The following SUMF1 variants were observed in gnomAD, a reference collection of about 807,000 sequenced individuals.
SUMF1 encodes the protein sulfatase modifying factor 1.
SUMF1 carries 48 observed loss-of-function variants against 47.6 expected under a neutral mutation model. That is an observed-to-expected ratio of 1.01 (90% CI 0.80 to 1.28). SUMF1 has a LOEUF of 1.28. Among genes scored for constraint, SUMF1 ranks in the 50% most tolerant of loss-of-function variants. The probability of loss-of-function intolerance (pLI) is 0.00; values close to 1 mark genes in which losing one functional copy is unlikely to be tolerated. For missense variants in SUMF1, 571 were observed against 485.4 expected (o/e 1.18, Z -1.66); for synonymous variants, 230 against 192.1 (o/e 1.20, Z -1.63).
chr3:4,442,033 G>A lies in SUMF1; in HGVS notation c.519+7233C>T, dbSNP rs533193377. Among the ~76,000 whole-genome samples, 7 of 152,294 alleles carry A rather than the reference G, an allele frequency of 4.6e-5. No homozygotes were observed. The East Asian group carries it at 1.4e-3, about 29-fold the overall frequency. ...TACAACCTGCATGGTGTCTGTGGCT[G>A]GGCAGTGGTTGGGCAGGAGAAAGAA... On this transcript the variant is annotated intron_variant, in intron 3 of 8. Coordinates refer to ENST00000272902, the MANE Select transcript of SUMF1 (RefSeq NM_182760.4).
intron 8 of SUMF1, among the ~76,000 whole-genome samples, chr3:4,174,488 C>G (rs2256269): frequency 0.34 from 51,413 of 151,808 alleles, 8,857 homozygotes; most frequent in East Asian, 0.4. Flanking sequence ...CAAATCACTT[C>G]AGCTCAGGAG....
intron 3 of SUMF1, 146 bp downstream of exon 3, chr3:4,449,120 G>T: frequency 1.1e-6 from 1 of 875,318 alleles, no homozygotes; most frequent in Non-Finnish European, 1.9e-6. Flanking sequence ...CTGGTCCATG[G>T]GCCTATTATT....
chr3:4,175,971 G>A (rs1694951112), intron 8 of SUMF1, among the ~76,000 whole-genome samples: 2 of 152,080 alleles, frequency 1.3e-5, no homozygotes, highest in South Asian at 4.1e-4. Flanking sequence ...AAATAAGCAA[G>A]AAAACAAGGT....
chr3:4,424,844 T>C (rs771216713), intron 3 of SUMF1, among the ~76,000 whole-genome samples: 2 of 152,252 alleles, frequency 1.3e-5, no homozygotes, highest in South Asian at 2.1e-4. Context: ...AGGAGAGTAC[T>C]ATTAGACATT....
chr3:4,101,168 T>A (rs558941291), intron 8 of SUMF1, among the ~76,000 whole-genome samples: 2 of 150,692 alleles, frequency 1.3e-5, no homozygotes, highest in African/African-American at 4.9e-5. Flanking sequence ...TTGAAATCAG[T>A]ATGTTAAAAA....
chr3:4,445,712 T>C (rs1193620002), intron 3 of SUMF1, among the ~76,000 whole-genome samples: 1 of 152,172 alleles, frequency 6.6e-6, no homozygotes, highest in African/African-American at 2.4e-5. Context: ...CAAATCTACA[T>C]TTGTGGCAAA....
In SUMF1 at chr3:4,111,079, A is replaced by T. The variant is rs77092063; in HGVS notation, c.1015-42334T>A. ...GTTGATCAAAGTCAGCATTTTTTTTAATGAAATGATTAAGAAAGAAAATAC... is the reference window on the plus strand; with the variant it reads ...GTTGATCAAAGTCAGCATTTTTTTTTATGAAATGATTAAGAAAGAAAATAC... On this transcript the variant is annotated intron_variant and NMD_transcript_variant, in intron 8 of 12. Transcript: ENST00000448413. 6.8e-3 allele frequency among the ~76,000 whole-genome samples: 1,031 copies of T among 150,844 alleles called. 25 individuals carry two copies. Among genetic ancestry groups the T allele is most frequent in the African/African-American group, 0.024 (986 of 40,858 alleles).
At chr3:4,177,464 A>G (rs141050962) in intron 8 of SUMF1, among the ~76,000 whole-genome samples, 1,596 of 152,330 alleles carry the variant, frequency 0.01, 32 homozygotes, top group African/African-American at 0.036. Flanking sequence ...AAATGAAGGC[A>G]CAAATAAAGA....
At chr3:4,265,728 G>A (rs1697179357) in intron 8 of SUMF1, among the ~76,000 whole-genome samples, 1 of 152,102 alleles carries the variant, frequency 6.6e-6, no homozygotes, top group Non-Finnish European at 1.5e-5. Context: ...AAGCTCTTTA[G>A]TTTAATTAGA....
At chr3:4,122,105 A>G (rs1488446226) in intron 8 of SUMF1, among the ~76,000 whole-genome samples, 1 of 152,054 alleles carries the variant, frequency 6.6e-6, no homozygotes, top group Non-Finnish European at 1.5e-5. Flanking sequence ...TTTTCTTTAT[A>G]TAGTCTGACA....
intron 3 of SUMF1, among the ~76,000 whole-genome samples, chr3:4,444,711 T>C (rs1702721092): frequency 1.3e-5 from 2 of 152,180 alleles, no homozygotes; most frequent in African/African-American, 4.8e-5. Context: ...CAGAACAGGT[T>C]AAACTAAAAA....
chr3:4,457,386 T>C (rs536679258), intron 1 of SUMF1, among the ~76,000 whole-genome samples: 1 of 151,644 alleles, frequency 6.6e-6, no homozygotes, highest in African/African-American at 2.4e-5. Flanking sequence ...TTCAAGGAAA[T>C]AGAAAAAAAA....
chr3:4,042,895 T>C lies in SUMF1; in HGVS notation c.1191+25674A>G, dbSNP rs9866607. Among the ~76,000 whole-genome samples the C allele has an allele frequency of 1.2e-3, 189 of 152,196 alleles. 1 individual carries two copies. The highest frequency in any genetic ancestry group is 4.5e-3 in the African/African-American group (187 of 41,542). ...GCTCCCAAGGCAAGTCCAGTGCCCT[T>C]GCATCCCATCACCTCCTAGACCCTC... On this transcript the variant is annotated intron_variant and NMD_transcript_variant, in intron 9 of 12. Coordinates refer to the SUMF1 transcript ENST00000448413.
At chr3:4,088,549 G>A (rs1173809462) in intron 8 of SUMF1, among the ~76,000 whole-genome samples, 1 of 151,582 alleles carries the variant, frequency 6.6e-6, no homozygotes, top group Non-Finnish European at 1.5e-5. Context: ...CCTTTATTTT[G>A]TCTATAATAT....
intron 8 of SUMF1, among the ~76,000 whole-genome samples, chr3:4,240,184 G>C (rs908695290): frequency 6.6e-6 from 1 of 152,058 alleles, no homozygotes; most frequent in Non-Finnish European, 1.5e-5. Flanking sequence ...ATTTTATTGA[G>C]GATTTTTGCA....
At chr3:4,043,999 C>T (rs1184168461) in intron 9 of SUMF1, among the ~76,000 whole-genome samples, 1 of 132,220 alleles carries the variant, frequency 7.6e-6, no homozygotes, top group Non-Finnish European at 1.6e-5. Flanking sequence ...TTCAGTGGCC[C>T]AATACTATTT....
At chr3:4,159,179 G>A (rs181623515) in intron 8 of SUMF1, among the ~76,000 whole-genome samples, 1 of 150,514 alleles carries the variant, frequency 6.6e-6, no homozygotes, top group African/African-American at 2.5e-5. Flanking sequence ...CTCCCGTCAT[G>A]TTGTTATCCG....
chr3:4,223,877 C>T (rs979622533), intron 8 of SUMF1, among the ~76,000 whole-genome samples: 2 of 152,162 alleles, frequency 1.3e-5, no homozygotes, highest in Non-Finnish European at 2.9e-5. Flanking sequence ...ACTGTGCGAC[C>T]TGGAACAAAT....
chr3:4,321,469 C>T lies in SUMF1; in HGVS notation c.1014+54861G>A, dbSNP rs1164363205. Among the ~76,000 whole-genome samples, 3 of 37,882 alleles carry T rather than the reference C, an allele frequency of 7.9e-5. No individual in the cohort carries two copies. In the Admixed American group the frequency reaches 9.1e-4, roughly 11 times the overall value. 24.9% of individuals were successfully genotyped at this position (37,882 alleles called of 152,430 possible). Reference sequence around the variant, plus strand: ...TGTAGTGCCAGAAAGTAAGGAAATGCTAAAAAAAAAAAAAAAAAAAAAAAG... The same window carrying T: ...TGTAGTGCCAGAAAGTAAGGAAATGTTAAAAAAAAAAAAAAAAAAAAAAAG... On this transcript the variant is annotated intron_variant and NMD_transcript_variant, in intron 8 of 12. Coordinates refer to the SUMF1 transcript ENST00000448413.
Sources: gnomAD v4.1 joint callset for allele counts (sites outside exome capture counted in the v4.1 genomes callset) on GRCh38, gnomAD v4.1.1 for gene constraint, MANE v1.5 for transcripts, NCBI Gene and HGNC (gene_info 2026-07-23, HGNC 2026-07-21) for gene names.